The following FGFR1 variants were observed in gnomAD, a reference collection of about 807,000 sequenced individuals.
FGFR1 encodes the protein fibroblast growth factor receptor 1, also known as FGFR1/PLAG1 fusion.
Under a neutral mutation model 93.7 loss-of-function variants are expected in FGFR1, and 18 were observed. The ratio of observed to expected loss-of-function variants is 0.19; its 90% CI spans 0.13 to 0.28. The LOEUF (loss-of-function observed/expected upper bound fraction) is 0.28. FGFR1 is among the 10% of genes least tolerant of loss of function. The probability of loss-of-function intolerance (pLI) is 1.00; values close to 1 mark genes in which losing one functional copy is unlikely to be tolerated. For missense variants in FGFR1, 731 were observed against 1,080.4 expected, an observed-to-expected ratio of 0.68 and a Z score of 4.53; for synonymous variants, 448 against 429.3, an observed-to-expected ratio of 1.04 and a Z score of -0.54.
Position 38,466,265 on chromosome 8 carries a change from C to G in FGFR1, c.-89+1716G>C, listed in dbSNP as rs1297722555. On this transcript the variant is annotated intron_variant, in intron 1 of 17. Coordinates refer to ENST00000447712, the MANE Select transcript of FGFR1 (RefSeq NM_023110.3). ...CACCGGGCTTGCTCCGGGAGGGGCG[C>G]GTGACGCCACCGCGGGGCAGCCGAG... 1.3e-5 allele frequency: 3 copies of G among 232,394 alleles called. No homozygotes were observed. In the East Asian group the frequency reaches 1.8e-4, roughly 14 times the overall value. The allele number at this position is 232,394 out of a possible 1,614,324, so 14.4% of individuals were successfully genotyped here.
intron 2 of FGFR1, among the ~76,000 whole-genome samples, chr8:38,443,411 A>G (rs1011408921): frequency 4.6e-5 from 7 of 151,848 alleles, no homozygotes; most frequent in Non-Finnish European, 8.8e-5. Context: ...CTTAACTCCA[A>G]TACTTCGGGA....
At chr8:38,455,615 C>T (rs1341503625) in intron 2 of FGFR1, among the ~76,000 whole-genome samples, 5 of 152,126 alleles carry the variant, frequency 3.3e-5, no homozygotes, top group Non-Finnish European at 5.9e-5. Flanking sequence ...CTTAGCAGGG[C>T]ATTAAGCCTT....
chr8:38,457,584 G>C (rs2151356092), intron 1 of FGFR1, 50 bp from the exon 2 acceptor site: 1 of 1,525,186 alleles, frequency 6.6e-7, no homozygotes, highest in Non-Finnish European at 8.8e-7. Context: ...AGGTAGGGGA[G>C]GGGAAAGGAA....
At chr8:38,444,251 G>T (rs1828566085) in intron 2 of FGFR1, among the ~76,000 whole-genome samples, 1 of 151,958 alleles carries the variant, frequency 6.6e-6, no homozygotes, top group Non-Finnish European at 1.5e-5. Flanking sequence ...GGAGAGCTTG[G>T]ACCCAGAGAC....
chr8:38,444,316 C>T (rs1384608276), intron 2 of FGFR1, among the ~76,000 whole-genome samples: 1 of 151,908 alleles, frequency 6.6e-6, no homozygotes, highest in Admixed American at 6.6e-5. Flanking sequence ...TTCAGTCTCA[C>T]TTTTATGCAC....
At chr8:38,440,390 G>A (rs551482350) in intron 2 of FGFR1, 82 of 1,568,256 alleles carry the variant, frequency 5.2e-5, no homozygotes, top group Middle Eastern at 2.3e-4. Flanking sequence ...GGGTTTGGGT[G>A]GAGAGAGCCC....
chr8:38,429,648 T>C lies in FGFR1; in HGVS notation c.358+34A>G. The C allele has an allele frequency of 6.4e-7, 1 of 1,552,490 alleles. No individual in the cohort carries two copies. Among genetic ancestry groups the C allele is most frequent in the Non-Finnish European group, 8.7e-7 (1 of 1,147,398 alleles). On this transcript the variant is annotated intron_variant, in intron 3 of 17. Coordinates refer to ENST00000447712, the MANE Select transcript of FGFR1 (RefSeq NM_023110.3). This position sits in a 1 kb window ranked among gnomAD's most constrained non-coding sequence, Gnocchi z 4.4. ...CAGAGAGGGCTGGAGGGGGTGGGTC[T>C]AGGGAGGGGCAAGGGCAGGGCTTGG...
intron 2 of FGFR1, 116 bp from the exon 3 acceptor site, chr8:38,430,064 T>G: frequency 1.0e-5 from 11 of 1,055,440 alleles, no homozygotes; most frequent in Non-Finnish European, 1.5e-5. Context: ...CGCACCATCC[T>G]GGGCATCACT....
In FGFR1 at chr8:38,444,379, T is replaced by C. The variant is rs186257028; in HGVS notation, c.91+12977A>G. Among the ~76,000 whole-genome samples the C allele has an allele frequency of 4.5e-3, 648 of 144,886 alleles. 6 individuals are homozygous for C. Among genetic ancestry groups the C allele is most frequent in the African/African-American group, 0.016 (616 of 39,538 alleles). On this transcript the variant is annotated intron_variant, in intron 2 of 17. Coordinates refer to ENST00000447712, the MANE Select transcript of FGFR1 (RefSeq NM_023110.3). The stretch of plus-strand genomic sequence containing the variant: ...TCTCAGTTTTAAGAAATTAAAAACA[T>C]GGTTCGGGTTTTTTTTTTTTTTTCT...
At chr8:38,425,023 T>G (rs934466061) in intron 6 of FGFR1, among the ~76,000 whole-genome samples, 8 of 152,188 alleles carry the variant, frequency 5.3e-5, no homozygotes, top group Non-Finnish European at 1.0e-4. Context: ...CCAGAGTCAC[T>G]TTGACTCCTG....
intron 1 of FGFR1, chr8:38,461,018 A>G (rs1478214210): frequency 6.6e-7 from 1 of 1,513,404 alleles, no homozygotes; most frequent in Non-Finnish European, 8.9e-7. Context: ...TCATGCCTGC[A>G]TGCAGAGGTC....
At chr8:38,457,175 T>C (rs1387825514) in intron 2 of FGFR1, among the ~76,000 whole-genome samples, 181 bp downstream of exon 2, 2 of 152,250 alleles carry the variant, frequency 1.3e-5, no homozygotes, top group Non-Finnish European at 2.9e-5. Context: ...GTTATGTTTA[T>C]AACCAGACCA....
At position 38,413,591 on chromosome 8, in the gene FGFR1, C is replaced by T. The variant is rs1173121486; in HGVS notation, c.*37G>A. 4.4e-6 allele frequency: 7 copies of T among 1,578,708 alleles called. No homozygotes were observed. Among genetic ancestry groups the T allele is most frequent in the Middle Eastern group, 2.2e-4 (1 of 4,556 alleles). ...CAGGGGCTGTGGGTGAGGGTTACAG[C>T]TGACGGTGGAGTCTGGGGAGGGCGT... On this transcript the variant is annotated 3_prime_UTR_variant, in exon 18 of 18. Coordinates refer to ENST00000447712, the MANE Select transcript of FGFR1 (RefSeq NM_023110.3). This position sits in a 1 kb window ranked among gnomAD's most constrained non-coding sequence, Gnocchi z 4.2.
chr8:38,423,805 AAAGAG>A (rs1430674144), intron 7 of FGFR1: 8 of 161,936 alleles, frequency 4.9e-5, no homozygotes, highest in Admixed American at 4.2e-4. Context: ...CACCAGCAGC[AAAGAG>A]AAGAGAAGGG....
chr8:38,429,383 T>G lies in FGFR1; in HGVS notation c.358+299A>C. Reference sequence around the variant, plus strand: ...AGCACCACTTAGCCTCCTGGAGATCTGGGCAAGCTGTGGTGGAAAAAAATC... The same window carrying G: ...AGCACCACTTAGCCTCCTGGAGATCGGGGCAAGCTGTGGTGGAAAAAAATC... On this transcript the variant is annotated intron_variant, in intron 3 of 17. Coordinates refer to ENST00000447712, the MANE Select transcript of FGFR1 (RefSeq NM_023110.3). This position sits in a 1 kb window ranked among gnomAD's most constrained non-coding sequence, Gnocchi z 4.4. 1.5e-6 allele frequency: 1 copy of G among 671,126 alleles called. No homozygotes were observed. The highest frequency in any genetic ancestry group is 2.8e-6 in the Non-Finnish European group (1 of 358,920). The allele number at this position is 671,126 out of a possible 1,614,324, so 41.6% of individuals were successfully genotyped here.
intron 15 of FGFR1, 49 bp from the exon 16 acceptor site, chr8:38,414,338 C>T: frequency 6.2e-7 from 1 of 1,613,066 alleles, no homozygotes; most frequent in Middle Eastern, 1.7e-4. Flanking sequence ...TCCGCCTCCC[C>T]TCCCCCAGCA....
chr8:38,467,574 C>T (rs1207579923), intron 1 of FGFR1: 4 of 235,276 alleles, frequency 1.7e-5, no homozygotes, highest in Non-Finnish European at 3.3e-5. Context: ...ACACACACAA[C>T]GCATCCCACC....
At chr8:38,456,399 C>T (rs2151325821) in intron 2 of FGFR1, among the ~76,000 whole-genome samples, 1 of 152,308 alleles carries the variant, frequency 6.6e-6, no homozygotes, top group East Asian at 1.9e-4. Flanking sequence ...CCGATGATGG[C>T]TCTGAATTTC....
chr8:38,443,099 G>C (rs1372924283), intron 2 of FGFR1, among the ~76,000 whole-genome samples: 1 of 152,212 alleles, frequency 6.6e-6, no homozygotes, highest in African/African-American at 2.4e-5. Context: ...CTGGAAGAGG[G>C]GAGAAGGGGG....
Sources: gnomAD v4.1 joint callset for allele counts (sites outside exome capture counted in the v4.1 genomes callset) on GRCh38, gnomAD v4.1.1 for gene constraint, Gnocchi (gnomAD v3.1) non-coding constraint, MANE v1.5 for transcripts, NCBI Gene and HGNC (gene_info 2026-07-23, HGNC 2026-07-21) for gene names.